Variants in RBBP8 observed in about 807,000 individuals in gnomAD.
RBBP8 encodes DNA endonuclease RBBP8.
RBBP8 carries 88 observed loss-of-function variants against 108.3 expected under a neutral mutation model. That is an observed-to-expected ratio of 0.81 (90% CI 0.68 to 0.97). RBBP8 has a LOEUF of 0.97. Ranked by LOEUF, RBBP8 falls within the 50% of genes least tolerant of loss-of-function variation. The probability of loss-of-function intolerance (pLI) is 0.00; values close to 1 mark genes in which losing one functional copy is unlikely to be tolerated. For missense variants in RBBP8, 1,023 were observed against 1,049.0 expected, an observed-to-expected ratio of 0.98 and a Z score of 0.34; for synonymous variants, 332 against 348.2, an observed-to-expected ratio of 0.95 and a Z score of 0.52.
intron 18 of RBBP8, 148 bp from the exon 19 acceptor site, chr18:23,025,991 TAGTG>T (rs749526569): frequency 8.8e-6 from 6 of 679,754 alleles, no homozygotes; most frequent in Admixed American, 4.8e-5. Context: ...TGATGCTAAA[TAGTG>T]AGATCAATCA....
At chr18:22,975,635 C>G (rs1286094700) in intron 6 of RBBP8, among the ~76,000 whole-genome samples, 3 of 151,966 alleles carry the variant, frequency 2.0e-5, no homozygotes, top group South Asian at 2.1e-4. Context: ...CCTTTTCTCC[C>G]CATTTCTCTT....
At chr18:22,921,256 A>G (rs1909582422) in intron 3 of RBBP8, among the ~76,000 whole-genome samples, 1 of 152,164 alleles carries the variant, frequency 6.6e-6, no homozygotes, top group Non-Finnish European at 1.5e-5. Context: ...ATCCACCACT[A>G]TGAGCAAACA....
At chr18:22,939,256 C>T (rs965477542) in intron 2 of RBBP8, among the ~76,000 whole-genome samples, 1 of 152,140 alleles carries the variant, frequency 6.6e-6, no homozygotes. Context: ...CCTGTAATCC[C>T]AGTGCTTTGG....
intron 5 of RBBP8, among the ~76,000 whole-genome samples, chr18:22,974,946 C>T (rs1914392149): frequency 6.6e-6 from 1 of 152,118 alleles, no homozygotes; most frequent in African/African-American, 2.4e-5. Flanking sequence ...TAATCAGTTA[C>T]ATGGAACTGG....
Position 23,026,128 on chromosome 18 carries a change from T to G in RBBP8, c.2597-15T>G. The G allele has an allele frequency of 6.3e-7, 1 of 1,590,242 alleles. No homozygotes were observed. The highest frequency in any genetic ancestry group is 8.6e-7 in the Non-Finnish European group (1 of 1,158,906). On this transcript the variant is annotated splice_polypyrimidine_tract_variant and intron_variant, in intron 18 of 18. Transcript: ENST00000327155. Reference sequence around the variant, plus strand: ...TTGCACATACAGTCTTCTAAGTTTATGATTTGTTTTTAAGGTTATATTAAG... The same window carrying G: ...TTGCACATACAGTCTTCTAAGTTTAGGATTTGTTTTTAAGGTTATATTAAG...
intron 16 of RBBP8, among the ~76,000 whole-genome samples, chr18:23,016,435 G>A (rs1320949951): frequency 3.9e-5 from 6 of 151,952 alleles, no homozygotes; most frequent in Admixed American, 3.3e-4. Flanking sequence ...TCCCAGCTAC[G>A]CAGAAGGCTG....
intron 12 of RBBP8, 135 bp downstream of exon 12, chr18:22,993,982 G>T: frequency 1.5e-6 from 1 of 685,802 alleles, no homozygotes; most frequent in Non-Finnish European, 2.3e-6. Context: ...TTTATAGGAC[G>T]ATTCTCACAT....
intron 16 of RBBP8, among the ~76,000 whole-genome samples, chr18:23,013,865 C>T (rs2046212249): frequency 6.6e-6 from 1 of 152,182 alleles, no homozygotes; most frequent in South Asian, 2.1e-4. Flanking sequence ...AGGTTAAAAG[C>T]AAGATAAAGT....
rs539047708 is a variant in RBBP8, at chr18:22,956,305, AT to A, written c.248+6601del. Among the ~76,000 whole-genome samples, 390 of 151,232 alleles carry A rather than the reference AT, an allele frequency of 2.6e-3. 1 individual carries two copies. The highest frequency in any genetic ancestry group is 8.9e-3 in the African/African-American group (367 of 41,238). ...TTTAAAAGCAACATGTATTTTGTTA[AT>A]TTTTTTTTCTTTTGTTTGGTCTTTT... is the stretch of plus-strand genomic sequence containing the variant. On this transcript the variant is annotated intron_variant, in intron 4 of 18. Coordinates refer to ENST00000327155, the MANE Select transcript of RBBP8 (RefSeq NM_002894.3).
At chr18:22,962,161 A>G (rs1304631578) in intron 4 of RBBP8, among the ~76,000 whole-genome samples, 1 of 152,200 alleles carries the variant, frequency 6.6e-6, no homozygotes, top group Non-Finnish European at 1.5e-5. Context: ...CCTTTAGATC[A>G]TAAATCTCTT....
At chr18:22,955,564 T>A (rs2144519765) in intron 4 of RBBP8, among the ~76,000 whole-genome samples, 1 of 150,630 alleles carries the variant, frequency 6.6e-6, no homozygotes, top group African/African-American at 2.4e-5. Flanking sequence ...AGTTAATACA[T>A]AATTAGGTTT....
intron 4 of RBBP8, among the ~76,000 whole-genome samples, chr18:22,956,600 G>A (rs1912573308): frequency 6.6e-6 from 1 of 152,118 alleles, no homozygotes. Flanking sequence ...GCCTTCCACG[G>A]TATTGGGATT....
intron 14 of RBBP8, among the ~76,000 whole-genome samples, chr18:22,999,840 A>AT (rs1470743865): frequency 6.6e-6 from 1 of 152,214 alleles, no homozygotes; most frequent in Non-Finnish European, 1.5e-5. Flanking sequence ...GTCTTCAGGT[A>AT]TTTCGCAATC....
At chr18:22,922,688 C>T (rs569930660) in intron 3 of RBBP8, among the ~76,000 whole-genome samples, 1 of 152,242 alleles carries the variant, frequency 6.6e-6, no homozygotes, top group South Asian at 2.1e-4. Flanking sequence ...TGGTCTCAAA[C>T]TCCTGGGCTC....
Position 23,001,690 on chromosome 18 carries a change from G to T in RBBP8, c.2248G>T (p.Glu750Ter). ...LADSFSQAAD[E>*]EEELSTATKK... is the part of the protein sequence containing the mutation. ...AGACAGTTTCTCCCAAGCAGCAGATGAAGAGGAGGAATTGTCTACTGCCAC... is the reference window on the plus strand; with the variant it reads ...AGACAGTTTCTCCCAAGCAGCAGATTAAGAGGAGGAATTGTCTACTGCCAC... The change falls in exon 15 of 19, where the codon GAA becomes TAA. Residue 750 changes from glutamate (E) to a stop codon, truncating the protein, a stop_gained. Coordinates refer to ENST00000327155, the MANE Select transcript of RBBP8 (RefSeq NM_002894.3). LOFTEE classifies it high-confidence loss of function. 6.2e-7 allele frequency: 1 copy of T among 1,614,030 alleles called. No homozygotes were observed. The highest frequency in any genetic ancestry group is 2.2e-5 in the East Asian group (1 of 44,880).
chr18:22,990,839 G>A (rs899338894), intron 9 of RBBP8, 98 bp from the exon 10 acceptor site: 1 of 825,716 alleles, frequency 1.2e-6, no homozygotes, highest in African/African-American at 1.7e-5. Flanking sequence ...GTATATTTTT[G>A]AGGTTCATCT....
chr18:23,002,641 C>T (rs1479076709), intron 15 of RBBP8, among the ~76,000 whole-genome samples: 2 of 109,946 alleles, frequency 1.8e-5, no homozygotes, highest in Non-Finnish European at 3.3e-5. Context: ...TGTTAAATCT[C>T]TCATTTTTCT....
chr18:22,933,911 T>C (rs1340248993), intron 1 of RBBP8: 4 of 152,002 alleles, frequency 2.6e-5, no homozygotes, highest in Non-Finnish European at 4.4e-5. Context: ...TGGGGAGAAA[T>C]GGATGGAGAA....
At chr18:23,014,868 T>C (rs2046230783) in intron 16 of RBBP8, among the ~76,000 whole-genome samples, 1 of 152,072 alleles carries the variant, frequency 6.6e-6, no homozygotes. Context: ...TTTTTCTTTT[T>C]CTTTTTTCTG....
Sources: allele counts gnomAD v4.1 joint callset (sites outside exome capture counted in the v4.1 genomes callset), GRCh38; gene constraint gnomAD v4.1.1; transcripts MANE v1.5; gene names NCBI Gene and HGNC (gene_info 2026-07-23, HGNC 2026-07-21).